MEGF11: variants seen among roughly 807,000 people sequenced by gnomAD.
MEGF11 encodes multiple epidermal growth factor-like domains protein 11.
A neutral mutation model predicts 146.6 loss-of-function variants in MEGF11; 126 were observed. The observed-to-expected ratio is 0.86, with a 90% CI of 0.74 to 1.00. The LOEUF is 1.00. Among genes scored for constraint, MEGF11 ranks in the 50% least tolerant of loss-of-function variants. MEGF11 has a pLI of 0.00. For missense variants in MEGF11, 1,509 were observed against 1,521.2 expected, an observed-to-expected ratio of 0.99 and a Z score of 0.13; for synonymous variants, 532 against 583.4, an observed-to-expected ratio of 0.91 and a Z score of 1.27.
intron 1 of MEGF11, among the ~76,000 whole-genome samples, chr15:66,162,286 C>T (rs1244789874): frequency 1.3e-5 from 2 of 152,154 alleles, no homozygotes; most frequent in African/African-American, 4.8e-5. Context: ...CGTGAATGTG[C>T]TTACTGCCAC....
At chr15:66,025,240 T>C (rs192938220) in intron 5 of MEGF11, among the ~76,000 whole-genome samples, 109 of 152,338 alleles carry the variant, frequency 7.2e-4, no homozygotes, top group African/African-American at 2.5e-3. Context: ...CATTCTCCTC[T>C]CCTTGCCCCC....
At chr15:65,977,177 G>A (rs868193666) in intron 7 of MEGF11, among the ~76,000 whole-genome samples, 8 of 56,518 alleles carry the variant, frequency 1.4e-4, no homozygotes, top group African/African-American at 1.9e-4. Flanking sequence ...AAAAAAAAAA[G>A]AGGATCTTGG....
At chr15:66,083,362 C>T (rs1016597276) in intron 5 of MEGF11, among the ~76,000 whole-genome samples, 2 of 152,100 alleles carry the variant, frequency 1.3e-5, no homozygotes, top group Admixed American at 1.3e-4. Context: ...ATGGTAAAAA[C>T]TTTAAACTTT....
chr15:66,041,514 C>T (rs1567214456), intron 5 of MEGF11, among the ~76,000 whole-genome samples: 1 of 152,178 alleles, frequency 6.6e-6, no homozygotes, highest in Non-Finnish European at 1.5e-5. Flanking sequence ...TAGGTGCCTC[C>T]GATGTACTGT....
chr15:66,128,297 ACACCTTACCT>A lies in MEGF11; in HGVS notation c.97_98+8del, dbSNP rs1251945284. The A allele has an allele frequency of 6.8e-7, 1 of 1,481,350 alleles. No homozygotes were observed. Among genetic ancestry groups the A allele is most frequent in the Non-Finnish European group, 9.0e-7 (1 of 1,113,288 alleles). The allele number at this position is 1,481,350 out of a possible 1,614,324, so 91.8% of individuals were successfully genotyped here. A position where few individuals can be genotyped will look rare whatever the true frequency, so the allele number is the denominator to read the frequency against. On this transcript the variant is annotated splice_donor_variant and splice_donor_5th_base_variant and coding_sequence_variant and intron_variant, in exon 2 of 26. Transcript: ENST00000395614. LOFTEE classifies it high-confidence loss of function. ...GAGAGTGCCTGGCCATCTGAGGCCCACACCTTACCTCTCCCAGTGGCTGCACACGTTGGGG... is the reference window on the plus strand; with the variant it reads ...GAGAGTGCCTGGCCATCTGAGGCCCACTCCCAGTGGCTGCACACGTTGGGG...
At chr15:66,039,155 G>C (rs422503) in intron 5 of MEGF11, among the ~76,000 whole-genome samples, 148,829 of 152,268 alleles carry the variant, frequency 0.98, 72,826 homozygotes, top group Middle Eastern at 1. Context: ...TTGAGGGATG[G>C]CAGCGATGGG....
chr15:66,205,605 A>C (rs2091279978), intron 1 of MEGF11, among the ~76,000 whole-genome samples: 1 of 152,234 alleles, frequency 6.6e-6, no homozygotes, highest in Non-Finnish European at 1.5e-5. Context: ...AAAGGAGCTG[A>C]AACTTTCACC....
At chr15:66,072,402 C>T (rs1005236120) in intron 5 of MEGF11, among the ~76,000 whole-genome samples, 2 of 152,102 alleles carry the variant, frequency 1.3e-5, no homozygotes, top group African/African-American at 4.8e-5. Context: ...CCCATCACGC[C>T]CTTTTATTTT....
intron 1 of MEGF11, among the ~76,000 whole-genome samples, chr15:66,236,955 C>T (rs1469048411): frequency 3.9e-5 from 6 of 152,176 alleles, no homozygotes; most frequent in African/African-American, 1.2e-4. Context: ...CAGGACCCTC[C>T]GTGTGCCCGG....
Position 66,030,472 on chromosome 15 carries a change from T to G in MEGF11, c.395-47984A>C, listed in dbSNP as rs139055759. ...GTTGCCAGGTTGCAGTGCAGTGGCA[T>G]GATCTTGGCTCACTGCAATCTCCAC... On this transcript the variant is annotated intron_variant, in intron 5 of 25. Coordinates refer to ENST00000395614, the MANE Select transcript of MEGF11 (RefSeq NM_001385028.1). 8.2e-3 allele frequency among the ~76,000 whole-genome samples: 1,253 copies of G among 152,314 alleles called. 24 individuals are homozygous for G. Among genetic ancestry groups the G allele is most frequent in the African/African-American group, 0.029 (1,192 of 41,558 alleles).
intron 5 of MEGF11, among the ~76,000 whole-genome samples, chr15:66,061,641 C>CTTTT (rs68146356): frequency 0.084 from 12,053 of 143,198 alleles, 705 homozygotes; most frequent in Middle Eastern, 0.14. Flanking sequence ...TTTTTTGAGC[C>CTTTT]TTTTTTTTTT....
At chr15:66,209,492 C>A (rs555451435) in intron 1 of MEGF11, among the ~76,000 whole-genome samples, 1 of 152,122 alleles carries the variant, frequency 6.6e-6, no homozygotes, top group African/African-American at 2.4e-5. Flanking sequence ...TTGTAACAGC[C>A]AAAAACTAGA....
chr15:65,979,065 C>T lies in MEGF11; in HGVS notation c.762+1713G>A, dbSNP rs113157026. 4.7e-3 allele frequency among the ~76,000 whole-genome samples: 720 copies of T among 152,216 alleles called. 11 individuals are homozygous for T. Among genetic ancestry groups the T allele is most frequent in the African/African-American group, 0.016 (684 of 41,522 alleles). On this transcript the variant is annotated intron_variant, in intron 7 of 25. Transcript: ENST00000395614. ...GGTGGGGTGGGCACCAGAGTCCTAA[C>T]GATTAGGCTCCTGCCCCCACTCTCC...
At chr15:66,154,298 G>GCGCT (rs35477321) in intron 1 of MEGF11, among the ~76,000 whole-genome samples, 99,543 of 151,688 alleles carry the variant, frequency 0.66, 33,082 homozygotes, top group East Asian at 0.83. Context: ...CCCCAACCTC[G>GCGCT]CGCTCGCCCA....
chr15:66,196,796 T>C (rs946121474), intron 1 of MEGF11, among the ~76,000 whole-genome samples: 1 of 152,112 alleles, frequency 6.6e-6, no homozygotes, highest in African/African-American at 2.4e-5. Flanking sequence ...AGGGGGAATG[T>C]GGGGGAATCC....
At chr15:66,008,153 G>GT (rs1283804548) in intron 5 of MEGF11, among the ~76,000 whole-genome samples, 2 of 152,134 alleles carry the variant, frequency 1.3e-5, no homozygotes, top group Admixed American at 6.5e-5. Context: ...TTTCAACAAT[G>GT]TTTTTTAAAA....
At chr15:65,931,599 G>C (rs907251772) in intron 10 of MEGF11, among the ~76,000 whole-genome samples, 1 of 152,182 alleles carries the variant, frequency 6.6e-6, no homozygotes, top group Non-Finnish European at 1.5e-5. Flanking sequence ...AGTTATTGGA[G>C]GGGTCAGGCC....
intron 5 of MEGF11, among the ~76,000 whole-genome samples, chr15:66,000,617 C>T (rs1234563711): frequency 6.6e-6 from 1 of 151,976 alleles, no homozygotes; most frequent in African/African-American, 2.4e-5. Flanking sequence ...ACATAACATG[C>T]TGTCTGATGT....
intron 1 of MEGF11, among the ~76,000 whole-genome samples, chr15:66,211,367 C>CA (rs377339953): frequency 5.3e-5 from 8 of 151,872 alleles, no homozygotes; most frequent in South Asian, 4.2e-4. Flanking sequence ...ACTAAAAATA[C>CA]AAAAAAATTA....
Sources: allele counts gnomAD v4.1 joint callset (sites outside exome capture counted in the v4.1 genomes callset), GRCh38; gene constraint gnomAD v4.1.1; transcripts MANE v1.5; gene names NCBI Gene and HGNC (gene_info 2026-07-23, HGNC 2026-07-21).